CHAT: variants seen among roughly 807,000 people sequenced by gnomAD.
CHAT encodes the protein acetyl CoA:choline O-acetyltransferase.
A neutral mutation model predicts 76.9 loss-of-function variants in CHAT; 61 were observed. That is an observed-to-expected ratio of 0.79 (90% CI 0.65 to 0.98). CHAT has a LOEUF of 0.98. Ranked by LOEUF, CHAT falls within the 50% of genes least tolerant of loss-of-function variation. CHAT has a pLI of 0.00. For missense variants in CHAT, 946 were observed against 986.9 expected (o/e 0.96, Z 0.56); for synonymous variants, 407 against 397.4 (o/e 1.02, Z -0.29).
Position 49,616,525 on chromosome 10 carries a change from C to T in CHAT, c.310C>T (p.Pro104Ser). The T allele has an allele frequency of 4.3e-6, 7 of 1,612,966 alleles. No homozygotes were observed. The highest frequency in any genetic ancestry group is 5.9e-6 in the Non-Finnish European group (7 of 1,179,442). ...RAGPHLCIPA[P>S]GLTKTPILEK... The stretch of plus-strand genomic sequence containing the variant: ...AGGTCCACACCTCTGCATCCCTGCA[C>T]CAGGACTCACCAAGACGCCCATCCT... The change falls in exon 2 of 15, where the codon CCA (proline) becomes TCA (serine). Residue 104 changes from proline (P) to serine (S), a missense_variant. Around this residue, in one of 3 missense-constraint regions of CHAT, gnomAD observed 548 missense variants for 516.2 expected, o/e 1.06. Coordinates refer to ENST00000337653, the MANE Select transcript of CHAT (RefSeq NM_020549.5).
At chr10:49,610,115 C>T (rs112650831), upstream of CHAT, among the ~76,000 whole-genome samples, 102 of 152,046 alleles carry the variant, frequency 6.7e-4, no homozygotes, top group African/African-American at 2.4e-3. Flanking sequence ...ACCGAGAGCC[C>T]TTCCTGGGCC....
chr10:49,624,813 G>A (rs1313893626), intron 5 of CHAT, among the ~76,000 whole-genome samples: 3 of 152,100 alleles, frequency 2.0e-5, no homozygotes, highest in African/African-American at 4.8e-5. Context: ...GTCGATGGAA[G>A]GATGGATGGA....
intron 13 of CHAT, among the ~76,000 whole-genome samples, 179 bp from the exon 14 acceptor site, chr10:49,662,466 C>T (rs1034850352): frequency 6.6e-6 from 1 of 152,178 alleles, no homozygotes; most frequent in African/African-American, 2.4e-5. Context: ...GAGCAGAGGC[C>T]GCATGGTAGA....
rs190968891 is a variant in CHAT at position 49,655,393 on chromosome 10, A to T, written c.1784A>T (p.Glu595Val). 6 of 1,614,108 alleles carry T rather than the reference A, an allele frequency of 3.7e-6. No individual in the cohort carries two copies. The East Asian group carries it at 1.3e-4, about 36-fold the overall frequency. The change falls in exon 13 of 15, where the codon GAG becomes GTG. Residue 595 changes from glutamate (E) to valine (V), a missense_variant. Transcript: ENST00000337653. Reference sequence around the variant, plus strand: ...TCTGTGTTCTGTTGACAGGCTTCTGAGAAGCTTCTGCTCCTGAAGGATGCC... The same window carrying T: ...TCTGTGTTCTGTTGACAGGCTTCTGTGAAGCTTCTGCTCCTGAAGGATGCC... ...TDHKAAVPASEKLLLLKDAIR... is the reference protein window; with the variant it reads ...TDHKAAVPASVKLLLLKDAIR...
chr10:49,658,388 A>G (rs1840095578), intron 13 of CHAT, among the ~76,000 whole-genome samples: 1 of 152,204 alleles, frequency 6.6e-6, no homozygotes, highest in African/African-American at 2.4e-5. Flanking sequence ...GTGGTTGCAC[A>G]TGCCTGCAAT....
intron 9 of CHAT, 28 bp from the exon 10 acceptor site, chr10:49,649,480 C>G (rs1203321255): frequency 1.2e-6 from 2 of 1,613,648 alleles, no homozygotes; most frequent in Non-Finnish European, 1.7e-6. Flanking sequence ...GGCCGCAGAG[C>G]CTCAGGAGGT....
intron 1 of CHAT, among the ~76,000 whole-genome samples, chr10:49,615,116 C>G (rs1029562827): frequency 5.4e-5 from 8 of 148,070 alleles, no homozygotes; most frequent in Non-Finnish European, 1.0e-4. Flanking sequence ...CTGCCTTCTT[C>G]AAGCTCAGGG....
intron 7 of CHAT, among the ~76,000 whole-genome samples, chr10:49,628,028 G>A (rs540142809): frequency 1.3e-5 from 2 of 152,254 alleles, no homozygotes; most frequent in East Asian, 1.9e-4. Flanking sequence ...AATTGGGGAT[G>A]TCTGAGAATA....
At position 49,625,606 on chromosome 10, in the gene CHAT, A is replaced by G. The variant is rs141599748; in HGVS notation, c.886A>G (p.Ser296Gly). The change falls in exon 6 of 15, where the codon AGC becomes GGC. Residue 296 changes from serine to glycine, a missense_variant. By Grantham distance (56) the Ser-to-Gly change is moderately conservative. This residue lies in a region of CHAT where 548 missense variants were observed against 516.2 expected (regional missense o/e 1.06). Coordinates refer to ENST00000337653, the MANE Select transcript of CHAT (RefSeq NM_020549.5). ...TQDTLVAQNS[S>G]IMPEPEHVIV... ...GGACACGCTGGTGGCTCAGAACAGC[A>G]GCATCATGCCGGAGCCTGAGCACGT... 72 of 1,601,908 alleles carry G rather than the reference A, an allele frequency of 4.5e-5. No homozygotes were observed. In the East Asian group the frequency reaches 1.2e-3, roughly 27 times the overall value.
chr10:49,620,655 C>T, intron 4 of CHAT, 42 bp downstream of exon 4: 1 of 1,489,980 alleles, frequency 6.7e-7, no homozygotes, highest in Middle Eastern at 1.7e-4. Flanking sequence ...GGGGACCCAC[C>T]CAAGGCAGGG....
chr10:49,613,788 T>G (rs10857517), upstream of CHAT, among the ~76,000 whole-genome samples: 10,496 of 152,250 alleles, frequency 0.069, 767 homozygotes, highest in Admixed American at 0.23. Context: ...ACCCCACCTC[T>G]GCTCCCCACC....
At chr10:49,630,088 G>C (rs919188090) in intron 7 of CHAT, among the ~76,000 whole-genome samples, 2 of 152,186 alleles carry the variant, frequency 1.3e-5, no homozygotes, top group Admixed American at 1.3e-4. Flanking sequence ...TGTTGGGTTA[G>C]AGGTGCTTGG....
intron 13 of CHAT, among the ~76,000 whole-genome samples, chr10:49,656,233 G>T (rs1394883524): frequency 6.7e-6 from 1 of 148,726 alleles, no homozygotes; most frequent in African/African-American, 2.5e-5. Context: ...AAATACTTCA[G>T]TGTTTGTTCT....
At chr10:49,609,825 C>A (rs1458612613), upstream of CHAT, among the ~76,000 whole-genome samples, 1 of 152,206 alleles carries the variant, frequency 6.6e-6, no homozygotes, top group Non-Finnish European at 1.5e-5. Flanking sequence ...CACAATCCAG[C>A]TGCGAGAACA....
At chr10:49,661,666 TCA>T (rs1201414726) in intron 13 of CHAT, among the ~76,000 whole-genome samples, 1 of 152,116 alleles carries the variant, frequency 6.6e-6, no homozygotes, top group East Asian at 1.9e-4. Flanking sequence ...CAAGAGTTAC[TCA>T]CAGTTACCCT....
At chr10:49,609,653 G>A (rs909204773), upstream of CHAT, among the ~76,000 whole-genome samples, 2 of 152,092 alleles carry the variant, frequency 1.3e-5, no homozygotes, top group Admixed American at 6.5e-5. Flanking sequence ...GCGATTCGCG[G>A]CCGAGAAATT....
rs908274188 is a variant in CHAT, at chr10:49,667,231, C to A, written c.*2185C>A. On this transcript the variant is annotated 3_prime_UTR_variant, in exon 15 of 15. Coordinates refer to ENST00000337653, the MANE Select transcript of CHAT (RefSeq NM_020549.5). ...GAAAAGGGAGGAAAGAACTAAGTCT[C>A]TCCTAGTCTATGGCATGCTATCATG... Among the ~76,000 whole-genome samples the A allele has an allele frequency of 6.6e-6, 1 of 152,144 alleles. No individual in the cohort carries two copies. Among genetic ancestry groups the A allele is most frequent in the Non-Finnish European group, 1.5e-5 (1 of 68,022 alleles).
At chr10:49,615,301 T>C (rs1838447959) in intron 1 of CHAT, among the ~76,000 whole-genome samples, 1 of 152,228 alleles carries the variant, frequency 6.6e-6, no homozygotes, top group African/African-American at 2.4e-5. Flanking sequence ...CGCCACCTCT[T>C]TCACTTTGCA....
At chr10:49,627,497 G>A in intron 6 of CHAT, 111 bp from the exon 7 acceptor site, 1 of 1,121,834 alleles carries the variant, frequency 8.9e-7, no homozygotes, top group Non-Finnish European at 1.4e-6. Context: ...AAACACCTTG[G>A]GAACCTTGGG....
Sources: gnomAD v4.1 joint callset for allele counts (sites outside exome capture counted in the v4.1 genomes callset) on GRCh38, gnomAD v4.1.1 for gene constraint, gnomAD v4.1.1 regional missense constraint, MANE v1.5 for transcripts, NCBI Gene and HGNC (gene_info 2026-07-23, HGNC 2026-07-21) for gene names.